The following ZNF407 variants were observed in gnomAD, a reference collection of about 807,000 sequenced individuals.
The protein encoded by ZNF407 is zinc finger protein 407.
A neutral mutation model predicts 131.2 loss-of-function variants in ZNF407; 17 were observed. The ratio of observed to expected loss-of-function variants is 0.13; its 90% CI spans 0.09 to 0.19. The LOEUF is 0.19. Among genes scored for constraint, ZNF407 ranks in the 10% least tolerant of loss-of-function variants. The pLI, the probability that ZNF407 is intolerant of heterozygous loss-of-function variation, is 1.00. For missense variants in ZNF407, 2,681 were observed against 2,830.6 expected, an observed-to-expected ratio of 0.95 and a Z score of 1.20; for synonymous variants, 1,156 against 1,062.0, an observed-to-expected ratio of 1.09 and a Z score of -1.72.
chr18:74,789,564 C>T (rs1969786143), intron 4 of ZNF407, among the ~76,000 whole-genome samples: 1 of 152,152 alleles, frequency 6.6e-6, no homozygotes, highest in Non-Finnish European at 1.5e-5. Context: ...TCGTCTTTTC[C>T]TCTGTCTGTA....
At chr18:75,015,081 T>C (rs1973027378) in intron 8 of ZNF407, among the ~76,000 whole-genome samples, 1 of 152,118 alleles carries the variant, frequency 6.6e-6, no homozygotes, top group African/African-American at 2.4e-5. Context: ...AGACTACTAA[T>C]GTTTGCCTTT....
intron 3 of ZNF407, among the ~76,000 whole-genome samples, chr18:74,756,564 T>C (rs1968968395): frequency 6.6e-6 from 1 of 152,220 alleles, no homozygotes; most frequent in Non-Finnish European, 1.5e-5. Context: ...TTTTAAATGT[T>C]TTTATACTTT....
chr18:74,737,689 A>G (rs1430871748), intron 3 of ZNF407, among the ~76,000 whole-genome samples: 1 of 152,214 alleles, frequency 6.6e-6, no homozygotes, highest in African/African-American at 2.4e-5. Flanking sequence ...GTATATGCAC[A>G]TGTGTGTACA....
At chr18:74,808,853 T>C (rs776329855) in intron 4 of ZNF407, among the ~76,000 whole-genome samples, 1 of 152,162 alleles carries the variant, frequency 6.6e-6, no homozygotes, top group Non-Finnish European at 1.5e-5. Context: ...CTAATGGTAA[T>C]GTTCCTCTTT....
At chr18:74,624,651 GCCTTCTGTGATCTGGAC>G (rs1246121901) in intron 1 of ZNF407, among the ~76,000 whole-genome samples, 7 of 152,290 alleles carry the variant, frequency 4.6e-5, no homozygotes, top group Admixed American at 4.6e-4. Flanking sequence ...TTAATATGGA[GCCTTCTGTGATCTGGAC>G]CTGGTCGACC....
intron 8 of ZNF407, among the ~76,000 whole-genome samples, chr18:74,961,066 A>G (rs1972338224): frequency 6.6e-6 from 1 of 150,394 alleles, no homozygotes; most frequent in African/African-American, 2.4e-5. Flanking sequence ...GGGTGGAGGG[A>G]TAGGAGAAGG....
chr18:75,000,216 C>A (rs1437063931), intron 8 of ZNF407, among the ~76,000 whole-genome samples: 4 of 152,306 alleles, frequency 2.6e-5, no homozygotes, highest in Admixed American at 2.0e-4. Flanking sequence ...GATGTTTTTA[C>A]TGGATGCTCA....
intron 4 of ZNF407, among the ~76,000 whole-genome samples, chr18:74,787,330 A>T (rs1038387340): frequency 1.3e-5 from 2 of 152,174 alleles, no homozygotes; most frequent in Non-Finnish European, 2.9e-5. Flanking sequence ...ATTTGGAAGT[A>T]TTTCTAAATT....
chr18:74,756,173 T>A (rs758142589), intron 3 of ZNF407, among the ~76,000 whole-genome samples: 8 of 152,162 alleles, frequency 5.3e-5, no homozygotes, highest in Middle Eastern at 3.4e-3. Context: ...ATTACAGGCA[T>A]GAGCCACAGC....
chr18:74,960,726 T>A (rs1268655541), intron 8 of ZNF407, among the ~76,000 whole-genome samples: 465 of 60,776 alleles, frequency 7.7e-3, no homozygotes, highest in East Asian at 0.028. Flanking sequence ...GTCCTGAGTG[T>A]GGACTGGGTG....
chr18:74,887,245 G>T (rs1971323078), intron 6 of ZNF407, among the ~76,000 whole-genome samples: 1 of 152,008 alleles, frequency 6.6e-6, no homozygotes, highest in Non-Finnish European at 1.5e-5. Context: ...AAATTTTTGT[G>T]TAAGTCATTT....
chr18:74,662,000 G>A (rs1250845062), intron 3 of ZNF407, among the ~76,000 whole-genome samples: 2 of 151,602 alleles, frequency 1.3e-5, no homozygotes, highest in Non-Finnish European at 2.9e-5. Context: ...CCAGCTGAGT[G>A]CCTGCCATGC....
chr18:74,631,251 T>C lies in ZNF407; in HGVS notation c.232T>C (p.Leu78=), dbSNP rs1323862005. The part of the protein sequence containing the change: ...RNKHASKRRK[L]DEAEPLKSGK... ...TAAACATGCTTCCAAACGCAGGAAA[T>C]TAGATGAGGCAGAGCCCCTTAAATC... The change falls in exon 2 of 9, where the codon TTA becomes CTA. Residue 78 remains leucine (L), a synonymous_variant. Transcript: ENST00000299687. 3 of 1,613,776 alleles carry C rather than the reference T, an allele frequency of 1.9e-6. No homozygotes were observed. Among genetic ancestry groups the C allele is most frequent in the Admixed American group, 3.3e-5 (2 of 59,970 alleles).
chr18:74,779,175 G>C (rs1599146687), intron 3 of ZNF407, among the ~76,000 whole-genome samples: 2 of 138,656 alleles, frequency 1.4e-5, no homozygotes, highest in Non-Finnish European at 3.0e-5. Context: ...GAGTGCAGTG[G>C]CGCAATCTCG....
At chr18:74,972,322 C>A (rs536632568) in intron 8 of ZNF407, among the ~76,000 whole-genome samples, 4 of 152,362 alleles carry the variant, frequency 2.6e-5, no homozygotes, top group East Asian at 3.9e-4. Context: ...TTCCCACCAA[C>A]AGGAGATGTG....
In ZNF407 at chr18:74,634,921, C is replaced by T. The variant is rs750218080; in HGVS notation, c.3902C>T (p.Pro1301Leu). The change falls in exon 2 of 9, where the codon CCC (proline) becomes CTC (leucine). Residue 1301 changes from proline (P) to leucine (L), a missense_variant. This residue lies in a region of ZNF407 where 1,789 missense variants were observed against 1,748.7 expected (regional missense o/e 1.02). Transcript: ENST00000299687. ...LEDLKGVQED[P>L]VLGNKEILMN... ...GACTTGAAAGGTGTCCAAGAAGATCCCGTTCTGGGGAATAAGGAAATTCTG... is the reference window on the plus strand; with the variant it reads ...GACTTGAAAGGTGTCCAAGAAGATCTCGTTCTGGGGAATAAGGAAATTCTG... 1.3e-5 allele frequency: 21 copies of T among 1,613,800 alleles called. No homozygotes were observed. In the South Asian group the frequency reaches 2.2e-4, roughly 17 times the overall value.
chr18:74,840,818 C>T (rs1970621684), intron 4 of ZNF407, among the ~76,000 whole-genome samples: 1 of 152,222 alleles, frequency 6.6e-6, no homozygotes, highest in African/African-American at 2.4e-5. Flanking sequence ...AATTTTATAG[C>T]TTCTCATCAC....
At chr18:74,956,274 C>T (rs1217611836) in intron 8 of ZNF407, among the ~76,000 whole-genome samples, 5 of 151,976 alleles carry the variant, frequency 3.3e-5, no homozygotes, top group Admixed American at 2.6e-4. Context: ...TTCCTCCTGA[C>T]ATCCACCAGC....
chr18:75,005,824 G>A (rs1972903594), intron 8 of ZNF407, among the ~76,000 whole-genome samples: 1 of 151,680 alleles, frequency 6.6e-6, no homozygotes, highest in African/African-American at 2.4e-5. Flanking sequence ...CTGGGATGCT[G>A]CCCAGCTTAT....
Sources: allele counts gnomAD v4.1 joint callset (sites outside exome capture counted in the v4.1 genomes callset), GRCh38; gene constraint gnomAD v4.1.1; regional missense constraint gnomAD v4.1.1; transcripts MANE v1.5; gene names NCBI Gene and HGNC (gene_info 2026-07-23, HGNC 2026-07-21).